ARHGAP35: variants seen among roughly 807,000 people sequenced by gnomAD.
ARHGAP35 encodes the protein Rho GTPase activating protein 35, also known as rho GTPase-activating protein 35.
A neutral mutation model predicts 111.1 loss-of-function variants in ARHGAP35; 15 were observed. The observed-to-expected ratio is 0.13, with a 90% CI of 0.09 to 0.21. The LOEUF (loss-of-function observed/expected upper bound fraction) is 0.21, where lower values mean the gene tolerates loss of function less well. Among genes scored for constraint, ARHGAP35 ranks in the 10% least tolerant of loss-of-function variants. The probability of loss-of-function intolerance (pLI) is 1.00; values close to 1 mark genes in which losing one functional copy is unlikely to be tolerated. For missense variants in ARHGAP35, 1,262 were observed against 1,873.0 expected (o/e 0.67, Z 6.02); for synonymous variants, 643 against 710.3 (o/e 0.91, Z 1.51).
chr19:46,997,819 AGGGCTGGGCGC>A (rs2056720906), intron 5 of ARHGAP35: 1 of 152,300 alleles, frequency 6.6e-6, no homozygotes, highest in African/African-American at 2.4e-5. Context: ...TGCTTGCTTC[AGGGCTGGGCGC>A]GGTGACTCAC....
In ARHGAP35 at chr19:46,926,785, C is replaced by G. The variant is rs1222753644; in HGVS notation, c.3681+4429C>G. On this transcript the variant is annotated intron_variant, in intron 2 of 6. Coordinates refer to ENST00000672722, the MANE Select transcript of ARHGAP35 (RefSeq NM_004491.5). The surrounding 1 kb of genome is among the most constrained non-coding windows in gnomAD (Gnocchi z 4.1). ...CCAGTTTGACAGTTTGTGTCCCCCC[C>G]TAGTGAATTGGCTTATTTCATTGGA... Among the ~76,000 whole-genome samples the G allele has an allele frequency of 2.6e-5, 4 of 152,308 alleles. No homozygotes were observed. The South Asian group carries it at 6.2e-4, about 24-fold the overall frequency.
intron 3 of ARHGAP35, among the ~76,000 whole-genome samples, chr19:46,966,925 T>C (rs975477795): frequency 6.6e-5 from 10 of 152,162 alleles, no homozygotes; most frequent in Admixed American, 5.2e-4. Flanking sequence ...GAGTCTGGGA[T>C]GGAGGCTTGT....
At chr19:46,972,891 T>C (rs1308379113) in intron 3 of ARHGAP35, among the ~76,000 whole-genome samples, 1 of 152,134 alleles carries the variant, frequency 6.6e-6, no homozygotes, top group East Asian at 1.9e-4. Flanking sequence ...CTGGAGTGAA[T>C]TGAAGCCCAC....
intron 1 of ARHGAP35, among the ~76,000 whole-genome samples, chr19:46,863,394 A>G (rs538789149): frequency 2.0e-5 from 3 of 151,646 alleles, no homozygotes; most frequent in African/African-American, 7.3e-5. Flanking sequence ...CATTTCCCCC[A>G]CTTCCACTAG....
At position 46,889,778 on chromosome 19, in the gene ARHGAP35, A is replaced by T. The variant is rs866106465; in HGVS notation, c.-189+28569A>T. ...AAAAAAAAAAAAAAAAAAAGAGTAG[A>T]GGCCATTGTGGTGGGTGGTGAAACA... On this transcript the variant is annotated intron_variant, in intron 1 of 6. Coordinates refer to ENST00000672722, the MANE Select transcript of ARHGAP35 (RefSeq NM_004491.5). Among the ~76,000 whole-genome samples, 4 of 146,754 alleles carry T rather than the reference A, an allele frequency of 2.7e-5. No individual in the cohort carries two copies. The South Asian group carries it at 6.5e-4, about 24-fold the overall frequency.
chr19:46,946,153 G>A (rs1026925905), intron 3 of ARHGAP35, among the ~76,000 whole-genome samples: 4 of 152,268 alleles, frequency 2.6e-5, no homozygotes, highest in Admixed American at 6.5e-5. Context: ...CCTGGCAGGT[G>A]TTCCCTCACC....
chr19:46,884,863 G>A (rs990892375), intron 1 of ARHGAP35, among the ~76,000 whole-genome samples: 6 of 152,004 alleles, frequency 3.9e-5, no homozygotes, highest in African/African-American at 9.7e-5. Context: ...CTACAGGTGC[G>A]CACCCACCAT....
chr19:46,876,882 C>A (rs1460859541), intron 1 of ARHGAP35, among the ~76,000 whole-genome samples: 1 of 152,098 alleles, frequency 6.6e-6, no homozygotes. Flanking sequence ...GGGATTAGTT[C>A]CAGACTACTG....
chr19:46,888,552 T>C (rs2056007848), intron 1 of ARHGAP35, among the ~76,000 whole-genome samples: 1 of 150,934 alleles, frequency 6.6e-6, no homozygotes, highest in Non-Finnish European at 1.5e-5. Context: ...TTTGTAAGGC[T>C]TATTCTTATA....
intron 1 of ARHGAP35, among the ~76,000 whole-genome samples, chr19:46,864,709 CTATG>C (rs2055846250): frequency 6.6e-6 from 1 of 152,152 alleles, no homozygotes; most frequent in Admixed American, 6.5e-5. Flanking sequence ...TTTTAATAAT[CTATG>C]TATGGCATGG....
chr19:46,993,866 C>T lies in ARHGAP35; in HGVS notation c.4036+4191C>T, dbSNP rs935626166. ...CTCCTCCATAGGCCACCTTCTCTCC[C>T]GGCCCACGCCCCTGGACTCCTGTCT... On this transcript the variant is annotated intron_variant, in intron 5 of 6. Transcript: ENST00000672722. This position sits in a 1 kb window ranked among gnomAD's most constrained non-coding sequence, Gnocchi z 4.6. Among the ~76,000 whole-genome samples, 2 of 152,178 alleles carry T rather than the reference C, an allele frequency of 1.3e-5. No individual in the cohort carries two copies. The highest frequency in any genetic ancestry group is 4.1e-4 in the South Asian group (2 of 4,824).
Position 46,989,401 on chromosome 19 carries a change from A to G in ARHGAP35, c.3905-143A>G, listed in dbSNP as rs934824822. On this transcript the variant is annotated intron_variant, in intron 4 of 6. Transcript: ENST00000672722. The surrounding 1 kb of genome is among the most constrained non-coding windows in gnomAD (Gnocchi z 5.3). ...CTCAGAACTCGCGTTAGCGCTCACA[A>G]GTCCCACCCCTCCAATCCTTGCCAG... The G allele has an allele frequency of 2.4e-5, 26 of 1,096,874 alleles. No individual in the cohort carries two copies. Among genetic ancestry groups the G allele is most frequent in the Non-Finnish European group, 3.2e-5 (25 of 780,022 alleles). The allele number at this position is 1,096,874 out of a possible 1,614,324, so 67.9% of individuals were successfully genotyped here.
In ARHGAP35 at chr19:46,945,077, C is replaced by G. The variant is rs933876493; in HGVS notation, c.3826+7669C>G. Among the ~76,000 whole-genome samples, 11 of 152,162 alleles carry G rather than the reference C, an allele frequency of 7.2e-5. No individual in the cohort carries two copies. The highest frequency in any genetic ancestry group is 2.4e-4 in the African/African-American group (10 of 41,436). ...GCTAATAGGATATTCGACTTTCACT[C>G]TCTCAGCTCCGGTTACATGGAAAGG... On this transcript the variant is annotated intron_variant, in intron 3 of 6. Coordinates refer to ENST00000672722, the MANE Select transcript of ARHGAP35 (RefSeq NM_004491.5). This position sits in a 1 kb window ranked among gnomAD's most constrained non-coding sequence, Gnocchi z 4.1.
At position 46,918,706 on chromosome 19, in the gene ARHGAP35, A is replaced by G; in HGVS notation, c.31A>G (p.Ile11Val). The G allele has an allele frequency of 1.2e-6, 2 of 1,613,628 alleles. No individual in the cohort carries two copies. Among genetic ancestry groups the G allele is most frequent in the Non-Finnish European group, 1.7e-6 (2 of 1,179,572 alleles). The change falls in exon 2 of 7, where the codon ATT becomes GTT. Residue 11 changes from isoleucine to valine, a missense_variant. Physicochemically the swap from Ile to Val is conservative, Grantham distance 29 (BLOSUM62 3). Coordinates refer to ENST00000672722, the MANE Select transcript of ARHGAP35 (RefSeq NM_004491.5). This position sits in a 1 kb window ranked among gnomAD's most constrained non-coding sequence, Gnocchi z 5.4. MMMARKQDVR[I>V]PTYNISVVGL... is the part of the protein sequence containing the mutation. Reference sequence around the variant, plus strand: ...GATGGCAAGAAAGCAAGATGTCCGAATTCCCACCTACAACATCAGTGTGGT... The same window carrying G: ...GATGGCAAGAAAGCAAGATGTCCGAGTTCCCACCTACAACATCAGTGTGGT...
chr19:46,930,296 G>A (rs1425913057), intron 2 of ARHGAP35, among the ~76,000 whole-genome samples: 1 of 149,176 alleles, frequency 6.7e-6, no homozygotes, highest in African/African-American at 2.5e-5. Context: ...GGAGGTCGAG[G>A]CTGCAGTGAG....
chr19:46,919,353 G>A lies in ARHGAP35; in HGVS notation c.678G>A (p.Val226=). 1 of 1,614,022 alleles carries A rather than the reference G, an allele frequency of 6.2e-7. No individual in the cohort carries two copies. Among genetic ancestry groups the A allele is most frequent in the Non-Finnish European group, 8.5e-7 (1 of 1,179,898 alleles). Residue 226 remains valine, a synonymous_variant, in exon 2 of 7, where the codon GTG becomes GTA. Transcript: ENST00000672722. The surrounding 1 kb of genome is among the most constrained non-coding windows in gnomAD (Gnocchi z 6.2). Reference sequence around the variant, plus strand: ...TAAGCAAAAAGAACCTCCAGGTTGTGGAGACCTCAGCGAGATCCAATGTAA... The same window carrying A: ...TAAGCAAAAAGAACCTCCAGGTTGTAGAGACCTCAGCGAGATCCAATGTAA... ...FALSKKNLQV[V]ETSARSNVNV... is the part of the protein sequence containing the mutation.
At chr19:46,897,205 A>G (rs1051229713) in intron 1 of ARHGAP35, among the ~76,000 whole-genome samples, 1 of 151,996 alleles carries the variant, frequency 6.6e-6, no homozygotes, top group Non-Finnish European at 1.5e-5. Context: ...AGCCTTCAGC[A>G]TGTTGTCAAA....
rs2056209628 is a variant in ARHGAP35 at position 46,922,489 on chromosome 19, T to TA, written c.3681+139dup. 1.1e-6 allele frequency: 1 copy of TA among 885,482 alleles called. No homozygotes were observed. Among genetic ancestry groups the TA allele is most frequent in the East Asian group, 2.7e-5 (1 of 36,484 alleles). 54.9% of individuals were successfully genotyped at this position (885,482 alleles called of 1,614,324 possible). On this transcript the variant is annotated intron_variant, in intron 2 of 6. Coordinates refer to ENST00000672722, the MANE Select transcript of ARHGAP35 (RefSeq NM_004491.5). This position sits in a 1 kb window ranked among gnomAD's most constrained non-coding sequence, Gnocchi z 4.0. ...CCCTGTGTGTGTATTTGACTTAACA[T>TA]AAAAAAGCAGTGCCTCAATTAGCTA...
At chr19:46,906,550 G>A (rs1286985165) in intron 1 of ARHGAP35, among the ~76,000 whole-genome samples, 2 of 152,156 alleles carry the variant, frequency 1.3e-5, no homozygotes, top group Admixed American at 6.5e-5. Flanking sequence ...AAGTATGTAC[G>A]ATTTGAACAA....
Sources: allele counts gnomAD v4.1 joint callset (sites outside exome capture counted in the v4.1 genomes callset), GRCh38; gene constraint gnomAD v4.1.1; non-coding constraint Gnocchi (gnomAD v3.1); transcripts MANE v1.5; gene names NCBI Gene and HGNC (gene_info 2026-07-23, HGNC 2026-07-21).